Variants in DNAAF4 observed in about 807,000 individuals in gnomAD.
The protein encoded by DNAAF4 is dynein assembly factor 4, axonemal.
Under a neutral mutation model 51.8 loss-of-function variants are expected in DNAAF4, and 43 were observed. That is an observed-to-expected ratio of 0.83 (90% confidence interval 0.65 to 1.07). DNAAF4 has a LOEUF of 1.07. Among genes scored for constraint, DNAAF4 ranks in the 50% least tolerant of loss-of-function variants. DNAAF4 has a pLI of 0.00. For missense variants in DNAAF4, 581 were observed against 493.0 expected (o/e 1.18, Z -1.69); for synonymous variants, 194 against 165.6 (o/e 1.17, Z -1.32).
At chr15:55,418,651 A>C (rs917682876) in intron 7 of DNAAF4, 1 of 976,174 alleles carries the variant, frequency 1.0e-6, no homozygotes, top group African/African-American at 1.6e-5. Context: ...TACCTAATAA[A>C]GAAGATAAAA....
chr15:55,478,197 G>T (rs1469730664), intron 4 of DNAAF4, among the ~76,000 whole-genome samples: 1 of 152,210 alleles, frequency 6.6e-6, no homozygotes, highest in Non-Finnish European at 1.5e-5. Context: ...TACTGCTTAT[G>T]CAGGAAAGCC....
At chr15:55,460,187 A>T (rs12912116) in intron 5 of DNAAF4, among the ~76,000 whole-genome samples, 104,991 of 145,268 alleles carry the variant, frequency 0.72, 41,647 homozygotes, top group East Asian at 0.95. Context: ...TTATTTATTT[A>T]TTTTTTTTTT....
At position 55,420,583 on chromosome 15, in the gene DNAAF4, C is replaced by T. The variant is rs567415557; in HGVS notation, c.1048-2450G>A. On this transcript the variant is annotated intron_variant, in intron 7 of 7. Coordinates refer to the DNAAF4 transcript ENST00000448430. Reference sequence around the variant, plus strand: ...AGCTCAAACTCTGCAGACTCATCAACTTCTTCCAAATACCCCCCCAAAACT... The same window carrying T: ...AGCTCAAACTCTGCAGACTCATCAATTTCTTCCAAATACCCCCCCAAAACT... 2.0e-5 allele frequency among the ~76,000 whole-genome samples: 3 copies of T among 152,316 alleles called. No homozygotes were observed. The East Asian group carries it at 5.8e-4, about 29-fold the overall frequency.
chr15:55,443,931 T>G (rs2057755934), intron 6 of DNAAF4, among the ~76,000 whole-genome samples: 1 of 152,172 alleles, frequency 6.6e-6, no homozygotes, highest in Non-Finnish European at 1.5e-5. Flanking sequence ...TCTTTGTAGA[T>G]TCTGGATATT....
intron 5 of DNAAF4, 139 bp downstream of exon 5, chr15:55,466,791 T>C: frequency 5.2e-6 from 5 of 960,546 alleles, no homozygotes; most frequent in Non-Finnish European, 7.5e-6. Context: ...GTCTTTACTT[T>C]AGTCTTTGTA....
chr15:55,496,451 A>C (rs1172296849), intron 3 of DNAAF4, among the ~76,000 whole-genome samples: 1 of 152,208 alleles, frequency 6.6e-6, no homozygotes, highest in African/African-American at 2.4e-5. Flanking sequence ...CCAGGCTGCC[A>C]GTCACTAGCT....
intron 8 of DNAAF4, among the ~76,000 whole-genome samples, chr15:55,433,928 T>A (rs375776771): frequency 0.012 from 73 of 5,968 alleles, 7 homozygotes; most frequent in Admixed American, 0.022. Flanking sequence ...ATATATTATA[T>A]TATATAAAAT....
intron 1 of DNAAF4, among the ~76,000 whole-genome samples, chr15:55,499,714 T>G (rs2058683686): frequency 6.6e-6 from 1 of 152,176 alleles, no homozygotes; most frequent in Non-Finnish European, 1.5e-5. Flanking sequence ...TTGCTACAAA[T>G]CTGGAATAGG....
In DNAAF4 at chr15:55,502,818, G is replaced by C. The variant is rs563968383; in HGVS notation, c.-255-4234C>G. Among the ~76,000 whole-genome samples, 7 of 152,194 alleles carry C rather than the reference G, an allele frequency of 4.6e-5. 1 individual carries two copies. In the East Asian group the frequency reaches 1.4e-3, roughly 29 times the overall value. On this transcript the variant is annotated intron_variant, in intron 1 of 9. Coordinates refer to ENST00000321149, the MANE Select transcript of DNAAF4 (RefSeq NM_130810.4). Reference sequence around the variant, plus strand: ...TAGCACTAAATGCCCACAAAAGAAAGCAGGAAAGATCTAAAATCGACACCC... The same window carrying C: ...TAGCACTAAATGCCCACAAAAGAAACCAGGAAAGATCTAAAATCGACACCC...
intron 1 of DNAAF4, among the ~76,000 whole-genome samples, chr15:55,506,770 A>G (rs1215627491): frequency 1.3e-5 from 2 of 152,244 alleles, no homozygotes; most frequent in Non-Finnish European, 2.9e-5. Flanking sequence ...ATAGCTATAC[A>G]TTGGATGGAT....
In DNAAF4 at chr15:55,430,760, C is replaced by T. The variant is rs777822947; in HGVS notation, c.1173G>A (p.Ala391=). Residue 391 remains alanine (A), a synonymous_variant, in exon 10 of 10, where the codon GCG becomes GCA. Transcript: ENST00000321149. ...LYVEGLQDYE[A]ALKIDPSNKI... ...TGTTGGATGGATCAATCTTAAGTGC[C>T]GCTTCATAATCCTGTAGGCCTGTGT... 6.2e-6 allele frequency: 10 copies of T among 1,612,912 alleles called. No individual in the cohort carries two copies. Among genetic ancestry groups the T allele is most frequent in the East Asian group, 2.2e-5 (1 of 44,746 alleles).
chr15:55,479,660 C>G (rs1049312174), intron 4 of DNAAF4, among the ~76,000 whole-genome samples: 1 of 152,054 alleles, frequency 6.6e-6, no homozygotes, highest in Non-Finnish European at 1.5e-5. Flanking sequence ...GGAGACATAT[C>G]GCTAAATTCT....
rs576319745 is a variant in DNAAF4, at chr15:55,460,191, T to A, written c.637+6739A>T. Among the ~76,000 whole-genome samples, 1,281 of 149,286 alleles carry A rather than the reference T, an allele frequency of 8.6e-3. 27 individuals are homozygous for A. The highest frequency in any genetic ancestry group is 0.03 in the African/African-American group (1,225 of 41,240). On this transcript the variant is annotated intron_variant, in intron 5 of 9. Coordinates refer to ENST00000321149, the MANE Select transcript of DNAAF4 (RefSeq NM_130810.4). Reference sequence around the variant, plus strand: ...TATTTATTTACTTATTTATTTATTTTTTTTTTTGAGACAGAGTCTCACTCT... The same window carrying A: ...TATTTATTTACTTATTTATTTATTTATTTTTTTGAGACAGAGTCTCACTCT...
intron 4 of DNAAF4, among the ~76,000 whole-genome samples, chr15:55,490,213 A>G (rs1335503726): frequency 6.6e-6 from 1 of 152,082 alleles, no homozygotes; most frequent in Non-Finnish European, 1.5e-5. Context: ...CAAAATAGGT[A>G]TATCTATTGA....
intron 1 of DNAAF4, among the ~76,000 whole-genome samples, chr15:55,505,772 G>T (rs12595167): frequency 2.0e-5 from 3 of 151,814 alleles, no homozygotes; most frequent in East Asian, 3.9e-4. Flanking sequence ...GTTGAGAGGT[G>T]GGGGGGCTGG....
chr15:55,505,022 T>G (rs1466668543), intron 1 of DNAAF4, among the ~76,000 whole-genome samples: 2 of 152,006 alleles, frequency 1.3e-5, no homozygotes, highest in African/African-American at 4.8e-5. Context: ...AATCTATCCA[T>G]CTGACAAAGG....
intron 4 of DNAAF4, among the ~76,000 whole-genome samples, chr15:55,469,623 C>T (rs1281503762): frequency 6.6e-6 from 1 of 151,344 alleles, no homozygotes; most frequent in Non-Finnish European, 1.5e-5. Context: ...GCTGGAACTA[C>T]AGGTGTCTGC....
At chr15:55,503,410 C>A (rs1275262088) in intron 1 of DNAAF4, among the ~76,000 whole-genome samples, 1 of 152,210 alleles carries the variant, frequency 6.6e-6, no homozygotes, top group Non-Finnish European at 1.5e-5. Flanking sequence ...AGGGAATCCT[C>A]CCCAACTCAT....
At chr15:55,444,475 C>A (rs559784194) in intron 6 of DNAAF4, among the ~76,000 whole-genome samples, 1 of 152,280 alleles carries the variant, frequency 6.6e-6, no homozygotes, top group East Asian at 1.9e-4. Flanking sequence ...AGTCAGGTGG[C>A]ATGATGCCTC....
Sources: allele counts gnomAD v4.1 joint callset (sites outside exome capture counted in the v4.1 genomes callset), GRCh38; gene constraint gnomAD v4.1.1; transcripts MANE v1.5; gene names NCBI Gene and HGNC (gene_info 2026-07-23, HGNC 2026-07-21).